The following KHDRBS3 variants were observed in gnomAD, a reference collection of about 807,000 sequenced individuals.
KHDRBS3 encodes the protein KH RNA binding domain containing, signal transduction associated 3, also known as KH domain-containing, RNA-binding, signal transduction-associated protein 3.
KHDRBS3 carries 23 observed loss-of-function variants against 45.6 expected under a neutral mutation model. That is an observed-to-expected ratio of 0.50 (90% CI 0.36 to 0.72). The LOEUF (loss-of-function observed/expected upper bound fraction) is 0.72. KHDRBS3 is among the 30% of genes least tolerant of loss of function. The pLI is 0.00. For missense variants in KHDRBS3, 352 were observed against 424.8 expected, an observed-to-expected ratio of 0.83 and a Z score of 1.51; for synonymous variants, 162 against 156.5, an observed-to-expected ratio of 1.04 and a Z score of -0.26.
chr8:135,640,278 T>G (rs1831007548), intron 7 of KHDRBS3, among the ~76,000 whole-genome samples: 1 of 152,086 alleles, frequency 6.6e-6, no homozygotes, highest in African/African-American at 2.4e-5. Context: ...CCAGTGAATT[T>G]AAAGTAGAAA....
At chr8:135,654,421 T>C (rs28639734) in intron 4 of KHDRBS3, among the ~76,000 whole-genome samples, 9,769 of 152,320 alleles carry the variant, frequency 0.064, 378 homozygotes, top group African/African-American at 0.09. Context: ...CCTATCTAAA[T>C]GCTACATGTA....
intron 7 of KHDRBS3, among the ~76,000 whole-genome samples, chr8:135,633,923 G>A (rs1314905710): frequency 1.3e-5 from 2 of 152,190 alleles, no homozygotes; most frequent in South Asian, 2.1e-4. Flanking sequence ...CACTCTTGGT[G>A]TTGTAGATTC....
chr8:135,515,938 G>A (rs770846206), intron 1 of KHDRBS3, among the ~76,000 whole-genome samples: 5 of 152,220 alleles, frequency 3.3e-5, no homozygotes, highest in African/African-American at 4.8e-5. Flanking sequence ...AGGAATGTGT[G>A]TTCTGAGGAA....
intron 5 of KHDRBS3, among the ~76,000 whole-genome samples, chr8:135,580,759 C>T (rs1222415026): frequency 1.3e-5 from 2 of 151,984 alleles, no homozygotes; most frequent in African/African-American, 2.4e-5. Flanking sequence ...ACTATAGGCA[C>T]ACACCACCGT....
intron 7 of KHDRBS3, among the ~76,000 whole-genome samples, chr8:135,621,969 C>T (rs1407422519): frequency 6.6e-6 from 1 of 152,058 alleles, no homozygotes; most frequent in African/African-American, 2.4e-5. Flanking sequence ...GTGAATGTCA[C>T]CTTGCTTGTG....
rs1332345101 is a variant in KHDRBS3 at position 135,515,475 on chromosome 8, C to G, written c.89-5762C>G. On this transcript the variant is annotated intron_variant, in intron 1 of 8. Transcript: ENST00000355849. Reference sequence around the variant, plus strand: ...CGTTGTTGATTTTTTTTTGTTTTTGCCTTATCAGGTCCTCTTTCCACCCTT... The same window carrying G: ...CGTTGTTGATTTTTTTTTGTTTTTGGCTTATCAGGTCCTCTTTCCACCCTT... 2.8e-5 allele frequency among the ~76,000 whole-genome samples: 4 copies of G among 143,424 alleles called. No individual in the cohort carries two copies. The Admixed American group carries it at 2.8e-4, about 10-fold the overall frequency. 94.1% of individuals were successfully genotyped at this position (143,424 alleles called of 152,430 possible). A position where few individuals can be genotyped will look rare whatever the true frequency, so the allele number is the denominator to read the frequency against.
At chr8:135,514,038 A>G (rs1824441606) in intron 1 of KHDRBS3, among the ~76,000 whole-genome samples, 1 of 152,216 alleles carries the variant, frequency 6.6e-6, no homozygotes, top group South Asian at 2.1e-4. Flanking sequence ...CGTTCCTTTA[A>G]GTCCACTTTG....
intron 2 of KHDRBS3, among the ~76,000 whole-genome samples, chr8:135,523,469 T>C (rs1825020689): frequency 6.6e-6 from 1 of 152,216 alleles, no homozygotes. Context: ...CCTGCTACCT[T>C]GCTAAATTTA....
At chr8:135,582,736 G>A (rs531966908) in intron 6 of KHDRBS3, among the ~76,000 whole-genome samples, 12 of 152,310 alleles carry the variant, frequency 7.9e-5, no homozygotes, top group Admixed American at 5.2e-4. Flanking sequence ...AATTGTTAAA[G>A]TAAGTGTATG....
chr8:135,584,869 C>T (rs1399045339), intron 6 of KHDRBS3, among the ~76,000 whole-genome samples: 1 of 152,114 alleles, frequency 6.6e-6, no homozygotes, highest in Non-Finnish European at 1.5e-5. Flanking sequence ...ATTACTCACC[C>T]ATCACGCTTA....
intron 4 of KHDRBS3, among the ~76,000 whole-genome samples, chr8:135,551,212 C>A (rs12677350): frequency 0.047 from 7,113 of 152,000 alleles, 269 homozygotes; most frequent in East Asian, 0.18. Context: ...TTAACTAGTT[C>A]TTTTCCAATA....
intron 6 of KHDRBS3, among the ~76,000 whole-genome samples, chr8:135,605,860 CT>C (rs1179016274): frequency 2.0e-5 from 3 of 152,072 alleles, no homozygotes; most frequent in Admixed American, 2.0e-4. Context: ...CTATTGACTG[CT>C]TTTTTTCTTG....
intron 2 of KHDRBS3, chr8:135,541,921 T>C (rs932733008): frequency 2.0e-5 from 3 of 152,172 alleles, no homozygotes; most frequent in African/African-American, 7.2e-5. Context: ...GTCATTCCTA[T>C]TTTACAGATG....
chr8:135,572,921 G>A (rs994319636), intron 5 of KHDRBS3, among the ~76,000 whole-genome samples: 4 of 152,194 alleles, frequency 2.6e-5, no homozygotes, highest in African/African-American at 9.7e-5. Flanking sequence ...AATGATTAAA[G>A]TTTATTCTCA....
At chr8:135,531,502 T>C (rs545400537) in intron 2 of KHDRBS3, among the ~76,000 whole-genome samples, 19 of 152,118 alleles carry the variant, frequency 1.2e-4, no homozygotes, top group Non-Finnish European at 2.4e-4. Context: ...TAAGTATTTA[T>C]TGAGAAACGA....
intron 7 of KHDRBS3, among the ~76,000 whole-genome samples, chr8:135,643,560 G>A (rs1367973983): frequency 1.3e-5 from 2 of 152,212 alleles, no homozygotes; most frequent in East Asian, 3.9e-4. Context: ...AAAAACTCAT[G>A]CCCACATGTT....
At chr8:135,480,459 A>T (rs1407194284) in intron 1 of KHDRBS3, among the ~76,000 whole-genome samples, 2 of 152,196 alleles carry the variant, frequency 1.3e-5, no homozygotes, top group African/African-American at 4.8e-5. Flanking sequence ...ATTTAAATTC[A>T]AAATGGAATA....
intron 4 of KHDRBS3, among the ~76,000 whole-genome samples, chr8:135,553,771 A>G (rs1237394630): frequency 6.6e-6 from 1 of 152,204 alleles, no homozygotes; most frequent in African/African-American, 2.4e-5. Context: ...CTCACTGGGT[A>G]GTCAAGTCCT....
intron 1 of KHDRBS3, among the ~76,000 whole-genome samples, chr8:135,462,043 G>A (rs567700320): frequency 1.2e-4 from 19 of 152,162 alleles, no homozygotes; most frequent in African/African-American, 4.3e-4. Context: ...CTTGATTTTT[G>A]GGGACCCCTT....
Sources: allele counts gnomAD v4.1 joint callset (sites outside exome capture counted in the v4.1 genomes callset), GRCh38; gene constraint gnomAD v4.1.1; transcripts MANE v1.5; gene names NCBI Gene and HGNC (gene_info 2026-07-23, HGNC 2026-07-21).